Variants in EYS observed in about 807,000 individuals in gnomAD.
EYS encodes the protein EGF-like photoreceptor maintenance factor, also known as protein eyes shut homolog.
In EYS, 250 loss-of-function variants were observed where a neutral mutation model predicts 282.1. The ratio of observed to expected loss-of-function variants is 0.89; its 90% CI spans 0.80 to 0.98. The LOEUF (loss-of-function observed/expected upper bound fraction) is 0.98, where lower values mean the gene tolerates loss of function less well. Ranked by LOEUF, EYS falls within the 50% of genes least tolerant of loss-of-function variation. The pLI, the probability that EYS is intolerant of heterozygous loss-of-function variation, is 0.00. For missense variants in EYS, 4,016 were observed against 3,709.0 expected, an observed-to-expected ratio of 1.08 and a Z score of -2.15; for synonymous variants, 1,355 against 1,282.9, an observed-to-expected ratio of 1.06 and a Z score of -1.20.
At chr6:65,522,695 G>A (rs1884373) in intron 2 of EYS, among the ~76,000 whole-genome samples, 43,954 of 152,006 alleles carry the variant, frequency 0.29, 6,692 homozygotes, top group African/African-American at 0.38. Context: ...ATTATGTATA[G>A]TTTAATCTTT....
At chr6:64,653,959 C>A (rs563157714) in intron 22 of EYS, among the ~76,000 whole-genome samples, 81 of 152,166 alleles carry the variant, frequency 5.3e-4, no homozygotes, top group African/African-American at 1.9e-3. Flanking sequence ...TTCAAATAAG[C>A]AAATGTTGGA....
At chr6:63,879,897 C>A (rs1038233891) in intron 35 of EYS, among the ~76,000 whole-genome samples, 2 of 152,076 alleles carry the variant, frequency 1.3e-5, no homozygotes, top group African/African-American at 2.4e-5. Flanking sequence ...GGTGTGGTCA[C>A]CTTCTATTTG....
chr6:65,588,950 C>T (rs1765144384), intron 2 of EYS, among the ~76,000 whole-genome samples: 1 of 151,780 alleles, frequency 6.6e-6, no homozygotes, highest in Non-Finnish European at 1.5e-5. Flanking sequence ...ATTTTTGAAA[C>T]CCCTAAATTA....
At chr6:64,411,283 GA>G (rs36009422) in intron 28 of EYS, among the ~76,000 whole-genome samples, 1 of 151,952 alleles carries the variant, frequency 6.6e-6, no homozygotes, top group Non-Finnish European at 1.5e-5. Flanking sequence ...CCATATAGGA[GA>G]AAAATCTTGA....
intron 30 of EYS, among the ~76,000 whole-genome samples, chr6:64,236,574 G>A (rs1474238386): frequency 6.6e-6 from 1 of 152,066 alleles, no homozygotes; most frequent in African/African-American, 2.4e-5. Context: ...CCATATCCTT[G>A]TTGGATCAAA....
intron 2 of EYS, among the ~76,000 whole-genome samples, chr6:65,497,662 T>A (rs1185082713): frequency 6.6e-6 from 1 of 151,992 alleles, no homozygotes; most frequent in Admixed American, 6.6e-5. Flanking sequence ...ACATGGATGA[T>A]TAACAAAATA....
chr6:64,890,933 T>C (rs1407061910), intron 18 of EYS, among the ~76,000 whole-genome samples: 1 of 152,134 alleles, frequency 6.6e-6, no homozygotes, highest in Non-Finnish European at 1.5e-5. Flanking sequence ...CATTATTTTT[T>C]CTTACTTTCT....
intron 12 of EYS, among the ~76,000 whole-genome samples, chr6:65,069,333 G>A (rs906684787): frequency 6.6e-6 from 1 of 151,882 alleles, no homozygotes; most frequent in Non-Finnish European, 1.5e-5. Context: ...TTCCTTTAAA[G>A]ATTTAACTTA....
At chr6:64,297,038 C>G (rs1398380154) in intron 30 of EYS, among the ~76,000 whole-genome samples, 1 of 152,182 alleles carries the variant, frequency 6.6e-6, no homozygotes, top group Non-Finnish European at 1.5e-5. Context: ...AGCATGCACA[C>G]ACGTCCCACT....
rs371431248 is a variant in EYS, at chr6:64,870,432, A to AAG, written c.2992+16264_2992+16265insCT. On this transcript the variant is annotated intron_variant, in intron 19 of 42. Transcript: ENST00000503581. ...TACCCCCCTCCTCCCCCCTCCAAAAAAAAAAAAACAAAAAGCTGGGAAGTG... is the reference window on the plus strand; with the variant it reads ...TACCCCCCTCCTCCCCCCTCCAAAAAAGAAAAAAAACAAAAAGCTGGGAAGTG... Among the ~76,000 whole-genome samples, 4 of 147,894 alleles carry AAG rather than the reference A, an allele frequency of 2.7e-5. No individual in the cohort carries two copies. The East Asian group carries it at 8.4e-4, about 31-fold the overall frequency.
intron 2 of EYS, among the ~76,000 whole-genome samples, chr6:65,536,181 G>T (rs978427264): frequency 6.6e-6 from 1 of 151,902 alleles, no homozygotes; most frequent in African/African-American, 2.4e-5. Flanking sequence ...GACAAGCAAA[G>T]CATGGTGATA....
chr6:64,533,293 G>T (rs1764411877), intron 26 of EYS, among the ~76,000 whole-genome samples: 1 of 152,140 alleles, frequency 6.6e-6, no homozygotes, highest in African/African-American at 2.4e-5. Flanking sequence ...AGAACTACTT[G>T]AAGAAGTATG....
chr6:64,547,072 G>A (rs917408866), intron 26 of EYS, among the ~76,000 whole-genome samples: 1 of 152,112 alleles, frequency 6.6e-6, no homozygotes. Flanking sequence ...TCTTCCTTCT[G>A]GTGGGTTTGT....
rs76634799 is a variant in EYS, at chr6:65,251,599, G to T, written c.2023+44264C>A. ...ACATTCCACTCTACTATTTCTCACT[G>T]AATATAGCTATAGAAAGCCTGCAGC... On this transcript the variant is annotated intron_variant, in intron 12 of 42. Coordinates refer to ENST00000503581, the MANE Select transcript of EYS (RefSeq NM_001142800.2). Among the ~76,000 whole-genome samples, 14 of 152,112 alleles carry T rather than the reference G, an allele frequency of 9.2e-5. No individual in the cohort carries two copies. The East Asian group carries it at 2.7e-3, about 30-fold the overall frequency.
Position 63,957,782 on chromosome 6 carries a change from A to G in EYS, c.7055+26601T>C, listed in dbSNP as rs959087005. ...CTGATGCCAAAATTCCTGAGCTATC[A>G]ACAAAATAAATGTATGAAAGCTAGA... On this transcript the variant is annotated intron_variant, in intron 35 of 42. Transcript: ENST00000503581. Among the ~76,000 whole-genome samples, 2 of 140,872 alleles carry G rather than the reference A, an allele frequency of 1.4e-5. 1 individual carries two copies. Among genetic ancestry groups the G allele is most frequent in the African/African-American group, 4.9e-5 (2 of 40,990 alleles). 92.4% of individuals were successfully genotyped at this position (140,872 alleles called of 152,430 possible).
At chr6:65,326,443 T>C (rs1769624292) in intron 11 of EYS, among the ~76,000 whole-genome samples, 1 of 151,422 alleles carries the variant, frequency 6.6e-6, no homozygotes, top group African/African-American at 2.4e-5. Flanking sequence ...TGCATATGAC[T>C]CATATATATG....
At chr6:64,898,912 C>A (rs1767561537) in intron 18 of EYS, among the ~76,000 whole-genome samples, 1 of 151,216 alleles carries the variant, frequency 6.6e-6, no homozygotes, top group African/African-American at 2.4e-5. Context: ...GCTAACTATC[C>A]CAAATATATA....
chr6:64,770,121 T>A (rs1773479805), intron 22 of EYS, among the ~76,000 whole-genome samples: 1 of 151,936 alleles, frequency 6.6e-6, no homozygotes, highest in African/African-American at 2.4e-5. Flanking sequence ...ATTCTAGAAA[T>A]GTTTTCTTAT....
chr6:65,349,811 T>A (rs1770532307), intron 9 of EYS, among the ~76,000 whole-genome samples: 1 of 151,470 alleles, frequency 6.6e-6, no homozygotes, highest in Non-Finnish European at 1.5e-5. Context: ...AGAATAATAG[T>A]AGCTACAGTG....
Sources: gnomAD v4.1 joint callset for allele counts (sites outside exome capture counted in the v4.1 genomes callset) on GRCh38, gnomAD v4.1.1 for gene constraint, MANE v1.5 for transcripts, NCBI Gene and HGNC (gene_info 2026-07-23, HGNC 2026-07-21) for gene names.